MYT1: variants seen among roughly 807,000 people sequenced by gnomAD.
The protein encoded by MYT1 is myelin transcription factor 1.
A neutral mutation model predicts 123.0 loss-of-function variants in MYT1; 23 were observed. The observed-to-expected ratio is 0.19, with a 90% CI of 0.13 to 0.26. MYT1 has a LOEUF of 0.26. MYT1 is among the 10% of genes least tolerant of loss of function. The pLI is 1.00. For synonymous variants in MYT1, 518 were observed against 575.3 expected (o/e 0.90, Z 1.43); for missense variants, 1,125 against 1,472.5 (o/e 0.76, Z 3.86).
intron 2 of MYT1, among the ~76,000 whole-genome samples, chr20:64,198,286 CA>C (rs34822167): frequency 0.029 from 693 of 23,794 alleles, no homozygotes; most frequent in Non-Finnish European, 0.03. Flanking sequence ...GACTCCGTCT[CA>C]AAAAAAAAAA....
At chr20:64,237,667 T>C (rs1011717409) in intron 21 of MYT1, among the ~76,000 whole-genome samples, 2 of 152,204 alleles carry the variant, frequency 1.3e-5, no homozygotes, top group African/African-American at 4.8e-5. Flanking sequence ...TTAATAATAC[T>C]AGTCCCATTA....
Position 64,240,507 on chromosome 20 carries a change from C to A in MYT1, c.*59C>A, listed in dbSNP as rs1326794233. 2 of 1,550,308 alleles carry A rather than the reference C, an allele frequency of 1.3e-6. No individual in the cohort carries two copies. Among genetic ancestry groups the A allele is most frequent in the African/African-American group, 2.7e-5 (2 of 72,932 alleles). On this transcript the variant is annotated 3_prime_UTR_variant, in exon 23 of 23. Coordinates refer to ENST00000328439, the MANE Select transcript of MYT1 (RefSeq NM_004535.3). Reference sequence around the variant, plus strand: ...ACACCGTTTACCTCCCTCGCCCTGCCCCGCACCGTGGGGATGCCCAACTCA... The same window carrying A: ...ACACCGTTTACCTCCCTCGCCCTGCACCGCACCGTGGGGATGCCCAACTCA...
intron 18 of MYT1, among the ~76,000 whole-genome samples, chr20:64,228,908 C>G (rs569788291): frequency 2.0e-4 from 31 of 152,322 alleles, no homozygotes; most frequent in African/African-American, 7.0e-4. Flanking sequence ...CTACTATGCC[C>G]GCAGGAAGCA....
rs534505317 is a variant in MYT1, at chr20:64,166,374, C to T, written c.-99+1635C>T. On this transcript the variant is annotated intron_variant, in intron 1 of 22. Coordinates refer to ENST00000328439, the MANE Select transcript of MYT1 (RefSeq NM_004535.3). The surrounding 1 kb of genome is among the most constrained non-coding windows in gnomAD (Gnocchi z 4.9). ...GACTGAGACTCCTACAGGGTCCCCC[C>T]GACCCCCTGGGCACCTGGACGTTTG... 2.0e-5 allele frequency among the ~76,000 whole-genome samples: 3 copies of T among 152,284 alleles called. No individual in the cohort carries two copies. Among genetic ancestry groups the T allele is most frequent in the Non-Finnish European group, 2.9e-5 (2 of 68,010 alleles).
At chr20:64,182,614 G>A (rs1200134801) in intron 1 of MYT1, among the ~76,000 whole-genome samples, 3 of 152,144 alleles carry the variant, frequency 2.0e-5, no homozygotes, top group Non-Finnish European at 2.9e-5. Flanking sequence ...TCTGACCTCC[G>A]TGGCCTGTCT....
At chr20:64,239,514 T>A (rs1458972613) in intron 21 of MYT1, among the ~76,000 whole-genome samples, 2 of 152,076 alleles carry the variant, frequency 1.3e-5, no homozygotes, top group Non-Finnish European at 2.9e-5. Flanking sequence ...CAGAGGGACG[T>A]GCCACACGAG....
intron 12 of MYT1, 85 bp downstream of exon 12, chr20:64,219,120 T>A: frequency 6.8e-7 from 1 of 1,479,222 alleles, no homozygotes; most frequent in Non-Finnish European, 9.1e-7. Context: ...CTGCACAAAA[T>A]GTCCCTAGGA....
At position 64,205,710 on chromosome 20, in the gene MYT1, T is replaced by C. The variant is rs1983469467; in HGVS notation, c.307T>C (p.Ser103Pro). The C allele has an allele frequency of 6.2e-7, 1 of 1,614,136 alleles. No homozygotes were observed. The highest frequency in any genetic ancestry group is 8.5e-7 in the Non-Finnish European group (1 of 1,180,018). Residue 103 changes from serine to proline, a missense_variant, in exon 6 of 23, where the codon TCT becomes CCT. Around this residue, in one of 4 missense-constraint regions of MYT1, gnomAD observed 406 missense variants for 432.2 expected, o/e 0.94. Transcript: ENST00000328439. ...GSEDTEVKDA[S>P]VSDESEGTLE... ...TGAGGACACTGAGGTGAAGGACGCC[T>C]CTGTTTCGGATGAATCGGAAGGAAC...
rs1315739191 is a variant in MYT1, at chr20:64,232,989, C to T, written c.2897+604C>T. On this transcript the variant is annotated intron_variant, in intron 19 of 22. Coordinates refer to ENST00000328439, the MANE Select transcript of MYT1 (RefSeq NM_004535.3). The surrounding 1 kb of genome is among the most constrained non-coding windows in gnomAD (Gnocchi z 6.9). ...CCGAAGGACCTTGCTTCACCAGCCCCACTTCCTGTCTGTGTCCTATGGTGA... is the reference window on the plus strand; with the variant it reads ...CCGAAGGACCTTGCTTCACCAGCCCTACTTCCTGTCTGTGTCCTATGGTGA... Among the ~76,000 whole-genome samples the T allele has an allele frequency of 6.6e-6, 1 of 151,832 alleles. No homozygotes were observed. The highest frequency in any genetic ancestry group is 1.5e-5 in the Non-Finnish European group (1 of 67,936).
intron 21 of MYT1, 114 bp downstream of exon 21, chr20:64,237,504 T>C (rs1235305766): frequency 1.3e-6 from 1 of 788,134 alleles, no homozygotes; most frequent in African/African-American, 1.7e-5. Context: ...AGGGCTGAGC[T>C]GACGGACAGC....
At chr20:64,172,068 C>T (rs1396455167) in intron 1 of MYT1, among the ~76,000 whole-genome samples, 4 of 152,228 alleles carry the variant, frequency 2.6e-5, no homozygotes, top group Non-Finnish European at 5.9e-5. Context: ...GCCAGGCCAC[C>T]TCTGGTGTGG....
At position 64,231,357 on chromosome 20, in the gene MYT1, C is replaced by T. The variant is rs998611077; in HGVS notation, c.2676-807C>T. ...AGTGGGGACAGACACTCAGAGAGGT[C>T]ATGGGCCTGGGCCCTCTGCGCTGTC... is the stretch of plus-strand genomic sequence containing the variant. On this transcript the variant is annotated intron_variant, in intron 18 of 22. Coordinates refer to ENST00000328439, the MANE Select transcript of MYT1 (RefSeq NM_004535.3). This position sits in a 1 kb window ranked among gnomAD's most constrained non-coding sequence, Gnocchi z 6.4. 1.3e-5 allele frequency among the ~76,000 whole-genome samples: 2 copies of T among 152,198 alleles called. No homozygotes were observed. The highest frequency in any genetic ancestry group is 6.5e-5 in the Admixed American group (1 of 15,286).
At chr20:64,236,521 G>C in intron 19 of MYT1, 34 bp from the exon 20 acceptor site, 1 of 1,579,072 alleles carries the variant, frequency 6.3e-7, no homozygotes, top group Non-Finnish European at 8.7e-7. Context: ...GGGTGACCCT[G>C]GGCTGGTGAA....
intron 8 of MYT1, 55 bp from the exon 9 acceptor site, chr20:64,211,993 C>A: frequency 2.0e-6 from 3 of 1,463,436 alleles, no homozygotes; most frequent in Non-Finnish European, 2.9e-6. Context: ...ACACAGCTGG[C>A]GCTCCCCAGA....
At chr20:64,207,344 T>TA (rs1200189760) in intron 6 of MYT1, among the ~76,000 whole-genome samples, 1 of 152,190 alleles carries the variant, frequency 6.6e-6, no homozygotes, top group Non-Finnish European at 1.5e-5. Flanking sequence ...ATTCTTAGTT[T>TA]AAAAAATACA....
rs113812730 is a variant in MYT1 at position 64,190,716 on chromosome 20, C to A, written c.-1+556C>A. ...AGGAATGGTGGCTTTTATCTCTAATCCCAGCACTTTGGGAGGCTGAGGCAG... is the reference window on the plus strand; with the variant it reads ...AGGAATGGTGGCTTTTATCTCTAATACCAGCACTTTGGGAGGCTGAGGCAG... On this transcript the variant is annotated intron_variant, in intron 2 of 22. Coordinates refer to ENST00000328439, the MANE Select transcript of MYT1 (RefSeq NM_004535.3). This position sits in a 1 kb window ranked among gnomAD's most constrained non-coding sequence, Gnocchi z 4.1. Among the ~76,000 whole-genome samples the A allele has an allele frequency of 0.021, 3,146 of 147,042 alleles. No homozygotes were observed. The highest frequency in any genetic ancestry group is 0.074 in the Middle Eastern group (19 of 258).
At chr20:64,198,224 T>C (rs2145708744) in intron 2 of MYT1, among the ~76,000 whole-genome samples, 1 of 145,560 alleles carries the variant, frequency 6.9e-6, no homozygotes, top group East Asian at 2.0e-4. Flanking sequence ...GAGGCGGAGC[T>C]TGCAGTGAGC....
chr20:64,208,224 T>C lies in MYT1; in HGVS notation c.1028T>C (p.Ile343Thr). The C allele has an allele frequency of 6.2e-7, 1 of 1,614,088 alleles. No individual in the cohort carries two copies. The highest frequency in any genetic ancestry group is 8.5e-7 in the Non-Finnish European group (1 of 1,180,018). ...AGTCCCAAGCCTGAGTACTCTGTTA[T>C]TGTGGAGGTCCGCTCGGATGATGAC... ...SPSPKPEYSV[I>T]VEVRSDDDKD... Residue 343 changes from isoleucine to threonine, a missense_variant, in exon 7 of 23, where the codon ATT (isoleucine) becomes ACT (threonine). Coordinates refer to ENST00000328439, the MANE Select transcript of MYT1 (RefSeq NM_004535.3). The surrounding 1 kb of genome is among the most constrained non-coding windows in gnomAD (Gnocchi z 5.4).
At chr20:64,176,970 T>C (rs1982476666) in intron 1 of MYT1, among the ~76,000 whole-genome samples, 1 of 152,214 alleles carries the variant, frequency 6.6e-6, no homozygotes, top group Non-Finnish European at 1.5e-5. Context: ...AAAGAAATAA[T>C]GATAATAATA....
Sources: allele counts gnomAD v4.1 joint callset (sites outside exome capture counted in the v4.1 genomes callset), GRCh38; gene constraint gnomAD v4.1.1; regional missense constraint gnomAD v4.1.1; non-coding constraint Gnocchi (gnomAD v3.1); transcripts MANE v1.5; gene names NCBI Gene and HGNC (gene_info 2026-07-23, HGNC 2026-07-21).